KIAA0232: variants seen among roughly 807,000 people sequenced by gnomAD.
The protein encoded by KIAA0232 is uncharacterized protein KIAA0232.
KIAA0232 carries 27 observed loss-of-function variants against 122.0 expected under a neutral mutation model. That is an observed-to-expected ratio of 0.22 (90% CI 0.16 to 0.31). The LOEUF (loss-of-function observed/expected upper bound fraction) is 0.31, where lower values mean the gene tolerates loss of function less well. KIAA0232 is among the 10% of genes least tolerant of loss of function. The pLI is 1.00. For synonymous variants in KIAA0232, 613 were observed against 587.6 expected (o/e 1.04, Z -0.63); for missense variants, 1,551 against 1,634.2 (o/e 0.95, Z 0.88).
intron 9 of KIAA0232, among the ~76,000 whole-genome samples, chr4:6,879,895 A>T (rs1577426006): frequency 3.4e-4 from 40 of 117,628 alleles, no homozygotes; most frequent in Non-Finnish European, 5.5e-4. Context: ...GTGTCCCCTC[A>T]CCATCTGTAC....
At position 6,871,772 on chromosome 4, in the gene KIAA0232, A is replaced by G. The variant is rs185583819; in HGVS notation, c.3910+90A>G. The stretch of plus-strand genomic sequence containing the variant: ...CTTTTTCTATGAATATCAGTCCAAG[A>G]AACATTTACCAAGAGGTTTCTGTGT... On this transcript the variant is annotated intron_variant, in intron 8 of 9. Transcript: ENST00000307659. 5.0e-6 allele frequency: 4 copies of G among 805,888 alleles called. No homozygotes were observed. In the African/African-American group the frequency reaches 6.9e-5, roughly 14 times the overall value. 49.9% of individuals were successfully genotyped at this position (805,888 alleles called of 1,614,324 possible). A position where few individuals can be genotyped will look rare whatever the true frequency, so the allele number is the denominator to read the frequency against.
intron 4 of KIAA0232, among the ~76,000 whole-genome samples, chr4:6,854,895 TAATA>T (rs1351893133): frequency 6.6e-6 from 1 of 152,126 alleles, no homozygotes; most frequent in Non-Finnish European, 1.5e-5. Flanking sequence ...ATTTGATTAT[TAATA>T]TTTTCTAATG....
chr4:6,789,530 C>G (rs1338108163), intron 1 of KIAA0232, among the ~76,000 whole-genome samples: 2 of 152,132 alleles, frequency 1.3e-5, no homozygotes, highest in Admixed American at 1.3e-4. Flanking sequence ...CCTCGGCCTC[C>G]CAAAGTGCTG....
chr4:6,842,296 G>A, intron 4 of KIAA0232, 92 bp downstream of exon 4: 1 of 1,234,310 alleles, frequency 8.1e-7, no homozygotes, highest in African/African-American at 1.6e-5. Context: ...CAAAAACTGG[G>A]AAAACAAAGT....
At chr4:6,819,911 CA>C (rs1718340462) in intron 2 of KIAA0232, among the ~76,000 whole-genome samples, 1 of 152,084 alleles carries the variant, frequency 6.6e-6, no homozygotes. Context: ...GAATACTATG[CA>C]GCCATTAAAA....
chr4:6,827,863 A>G (rs772535992), intron 3 of KIAA0232, among the ~76,000 whole-genome samples: 12 of 152,012 alleles, frequency 7.9e-5, no homozygotes, highest in Non-Finnish European at 1.5e-4. Flanking sequence ...TTTTATTTCC[A>G]TAAATGTTTC....
chr4:6,877,869 A>T (rs1218492667), intron 9 of KIAA0232, among the ~76,000 whole-genome samples: 1 of 152,136 alleles, frequency 6.6e-6, no homozygotes, highest in Non-Finnish European at 1.5e-5. Flanking sequence ...TCAAGTTGAC[A>T]CTCAGTATTA....
At chr4:6,799,703 G>T (rs1021356498) in intron 1 of KIAA0232, among the ~76,000 whole-genome samples, 1 of 151,920 alleles carries the variant, frequency 6.6e-6, no homozygotes, top group Non-Finnish European at 1.5e-5. Context: ...TTTTTTGTTT[G>T]TTTGTTTTTT....
chr4:6,871,454 C>G (rs1409250930), intron 7 of KIAA0232, 120 bp from the exon 8 acceptor site: 1 of 616,704 alleles, frequency 1.6e-6, no homozygotes, highest in Non-Finnish European at 2.8e-6. Flanking sequence ...AAAGAAAAAT[C>G]AAAAAACCTC....
intron 3 of KIAA0232, among the ~76,000 whole-genome samples, chr4:6,838,238 G>T (rs1165518489): frequency 6.7e-6 from 1 of 150,008 alleles, no homozygotes; most frequent in Non-Finnish European, 1.5e-5. Flanking sequence ...ACCCAAACTG[G>T]AGCACAGTGG....
chr4:6,833,814 G>T (rs1719121557), intron 3 of KIAA0232, among the ~76,000 whole-genome samples: 1 of 152,036 alleles, frequency 6.6e-6, no homozygotes, highest in African/African-American at 2.4e-5. Flanking sequence ...ATATCAGAAG[G>T]GTTATAGGGT....
intron 1 of KIAA0232, among the ~76,000 whole-genome samples, chr4:6,785,827 C>G (rs1194375759): frequency 6.6e-6 from 1 of 152,190 alleles, no homozygotes; most frequent in Non-Finnish European, 1.5e-5. Context: ...CTCTTTGTCC[C>G]CTTTCCACAC....
chr4:6,789,872 T>G (rs1012093650), intron 1 of KIAA0232, among the ~76,000 whole-genome samples: 2 of 151,592 alleles, frequency 1.3e-5, no homozygotes, highest in African/African-American at 4.9e-5. Flanking sequence ...ACAAAAAAAT[T>G]TTAAAAATTA....
chr4:6,787,989 A>G lies in KIAA0232; in HGVS notation c.-354+5148A>G, dbSNP rs541901910. ...AGGAAATCACTGTAAGATCTTTGCT[A>G]TCTAGCCTCATTCTTACTTTTAGCT... On this transcript the variant is annotated intron_variant, in intron 1 of 9. Coordinates refer to ENST00000307659, the MANE Select transcript of KIAA0232 (RefSeq NM_014743.3). Among the ~76,000 whole-genome samples the G allele has an allele frequency of 6.4e-4, 97 of 152,314 alleles. No homozygotes were observed. In the South Asian group the frequency reaches 0.019, roughly 30 times the overall value.
intron 3 of KIAA0232, among the ~76,000 whole-genome samples, chr4:6,838,059 A>T (rs564907229): frequency 6.6e-6 from 1 of 152,256 alleles, no homozygotes; most frequent in Non-Finnish European, 1.5e-5. Flanking sequence ...CATTCTGTAG[A>T]ATTAGGATTT....
chr4:6,802,684 G>A (rs905580408), intron 1 of KIAA0232, among the ~76,000 whole-genome samples: 2 of 151,908 alleles, frequency 1.3e-5, no homozygotes, highest in Admixed American at 6.6e-5. Context: ...CTTCCCCAAG[G>A]ACATAAAGAC....
chr4:6,865,132 A>G (rs541743259), intron 7 of KIAA0232, among the ~76,000 whole-genome samples: 74 of 152,342 alleles, frequency 4.9e-4, no homozygotes, highest in African/African-American at 1.6e-3. Context: ...GTACCTCTCC[A>G]CTGTATGCCC....
intron 1 of KIAA0232, among the ~76,000 whole-genome samples, chr4:6,792,209 A>G (rs1039824019): frequency 1.3e-5 from 2 of 152,132 alleles, no homozygotes; most frequent in South Asian, 2.1e-4. Context: ...TTGCTTTACC[A>G]TGTTCTTTTT....
At chr4:6,796,575 C>G (rs756133633) in intron 1 of KIAA0232, among the ~76,000 whole-genome samples, 6 of 152,188 alleles carry the variant, frequency 3.9e-5, no homozygotes, top group Non-Finnish European at 5.9e-5. Flanking sequence ...TTCATGCCAC[C>G]TGTTTAAAGA....
Sources: gnomAD v4.1 joint callset for allele counts (sites outside exome capture counted in the v4.1 genomes callset) on GRCh38, gnomAD v4.1.1 for gene constraint, MANE v1.5 for transcripts, NCBI Gene and HGNC (gene_info 2026-07-23, HGNC 2026-07-21) for gene names.